The following C1QTNF3 variants were observed in gnomAD, a reference collection of about 807,000 sequenced individuals.
C1QTNF3 encodes the protein C1q and TNF related 3.
In C1QTNF3, 26 loss-of-function variants were observed where a neutral mutation model predicts 32.6. The observed-to-expected ratio is 0.80, with a 90% CI of 0.58 to 1.11. The LOEUF (loss-of-function observed/expected upper bound fraction) is 1.11. Ranked by LOEUF, C1QTNF3 falls within the 50% of genes least tolerant of loss-of-function variation. The pLI is 0.00. For synonymous variants in C1QTNF3, 155 were observed against 146.0 expected (o/e 1.06, Z -0.44); for missense variants, 362 against 398.2 (o/e 0.91, Z 0.77).
the C1QTNF3 span, among the ~76,000 whole-genome samples, chr5:34,139,783 G>C: frequency 2.0e-5 from 3 of 152,162 alleles, no homozygotes; most frequent in African/African-American, 7.2e-5. Context: ...AGCAAGATCT[G>C]ATTATCCAGT....
chr5:34,208,286 T>C, the C1QTNF3 span, among the ~76,000 whole-genome samples: 1 of 152,252 alleles, frequency 6.6e-6, no homozygotes, highest in Non-Finnish European at 1.5e-5. Flanking sequence ...ATAACAATCT[T>C]CATTCTTCTT....
chr5:34,043,322 A>C, upstream of C1QTNF3: 1 of 589,680 alleles, frequency 1.7e-6, no homozygotes, highest in Non-Finnish European at 3.0e-6. Flanking sequence ...GCCCCCATTC[A>C]TCATTTTCCC....
chr5:34,179,949 G>A, the C1QTNF3 span, among the ~76,000 whole-genome samples: 2,666 of 122,234 alleles, frequency 0.022, 2 homozygotes, highest in East Asian at 0.14. Context: ...AGTGCCAGGC[G>A]AGGTGGCTCA....
the C1QTNF3 span, among the ~76,000 whole-genome samples, chr5:34,233,656 C>T: frequency 6.6e-6 from 1 of 152,026 alleles, no homozygotes; most frequent in Non-Finnish European, 1.5e-5. Context: ...GCCCCTTTTA[C>T]CAGATAAAGT....
Position 34,018,123 on chromosome 5 carries a change from T to C in C1QTNF3, c.*2460A>G, listed in dbSNP as rs923294631. Among the ~76,000 whole-genome samples the C allele has an allele frequency of 4.6e-5, 7 of 151,782 alleles. No homozygotes were observed. The highest frequency in any genetic ancestry group is 7.2e-5 in the African/African-American group (3 of 41,412). On this transcript the variant is annotated 3_prime_UTR_variant, in exon 6 of 6. Transcript: ENST00000382065. ...TTTAAAAATAAAAGCCATAAATACA[T>C]GCAGGAAAAGACTGAAATAAACACT...
At chr5:34,030,931 G>A (rs1171049229) in intron 3 of C1QTNF3, among the ~76,000 whole-genome samples, 1 of 152,068 alleles carries the variant, frequency 6.6e-6, no homozygotes, top group Non-Finnish European at 1.5e-5. Flanking sequence ...GGGGCCTATG[G>A]GAGGATGGAA....
the C1QTNF3 span, among the ~76,000 whole-genome samples, chr5:34,183,544 T>A: frequency 6.7e-6 from 1 of 149,854 alleles, no homozygotes; most frequent in East Asian, 1.9e-4. Flanking sequence ...TTGGCCAGGC[T>A]GGTCTCGAAC....
the C1QTNF3 span, among the ~76,000 whole-genome samples, chr5:34,094,978 A>G: frequency 6.6e-6 from 1 of 151,444 alleles, no homozygotes; most frequent in Admixed American, 6.6e-5. Flanking sequence ...GTAAAAATTA[A>G]TAGAGTACAT....
At chr5:34,169,002 G>A in the C1QTNF3 span, 1 of 152,092 alleles carries the variant, frequency 6.6e-6, no homozygotes, top group Admixed American at 6.6e-5. Flanking sequence ...AGGCTTGAAA[G>A]AGGGAGTTTG....
the C1QTNF3 span, among the ~76,000 whole-genome samples, chr5:34,085,914 T>C: frequency 6.6e-6 from 1 of 151,222 alleles, no homozygotes; most frequent in East Asian, 1.9e-4. Context: ...AGAACTACCA[T>C]TTGACCCAGC....
At chr5:34,047,049 A>G (rs1018157719), upstream of C1QTNF3, among the ~76,000 whole-genome samples, 20 of 152,252 alleles carry the variant, frequency 1.3e-4, no homozygotes, top group African/African-American at 4.3e-4. Context: ...AGATGTGAAT[A>G]ACAATTGGGC....
the C1QTNF3 span, among the ~76,000 whole-genome samples, chr5:34,135,550 G>A: frequency 9.9e-5 from 15 of 152,000 alleles, no homozygotes; most frequent in Non-Finnish European, 1.8e-4. Flanking sequence ...GTCTGGTCCT[G>A]GACTTTTTTT....
At chr5:34,224,472 G>A in the C1QTNF3 span, among the ~76,000 whole-genome samples, 1 of 152,110 alleles carries the variant, frequency 6.6e-6, no homozygotes, top group Non-Finnish European at 1.5e-5. Flanking sequence ...CAATGGAACA[G>A]AACAGAGCCC....
the C1QTNF3 span, among the ~76,000 whole-genome samples, chr5:34,177,493 T>TA: frequency 1.4e-5 from 2 of 146,462 alleles, no homozygotes; most frequent in African/African-American, 2.5e-5. Context: ...TTTTTTTTTT[T>TA]TTTTTTTTTT....
the C1QTNF3 span, among the ~76,000 whole-genome samples, chr5:34,172,251 T>C: frequency 6.6e-6 from 1 of 152,284 alleles, no homozygotes; most frequent in South Asian, 2.1e-4. Flanking sequence ...AAATTAGGCA[T>C]AGTAAGAAAC....
chr5:34,055,310 A>C, the C1QTNF3 span, among the ~76,000 whole-genome samples: 1 of 152,234 alleles, frequency 6.6e-6, no homozygotes, highest in East Asian at 1.9e-4. Flanking sequence ...GGTAGAAAGA[A>C]GGGGAAAACT....
At chr5:34,178,375 A>C in the C1QTNF3 span, among the ~76,000 whole-genome samples, 1 of 152,178 alleles carries the variant, frequency 6.6e-6, no homozygotes, top group Non-Finnish European at 1.5e-5. Context: ...TAGTTTGCAG[A>C]AGTGTCATTC....
the C1QTNF3 span, among the ~76,000 whole-genome samples, chr5:34,146,669 A>T: frequency 6.6e-6 from 1 of 152,300 alleles, no homozygotes; most frequent in Admixed American, 6.5e-5. Flanking sequence ...GCTAACTCAA[A>T]ATCAACTAAA....
chr5:34,035,595 T>TAC, intron 2 of C1QTNF3, 52 bp downstream of exon 2: 1 of 1,336,844 alleles, frequency 7.5e-7, no homozygotes, highest in Non-Finnish European at 1.1e-6. Context: ...CCTTTGCTCC[T>TAC]ACTTTAGCTC....
Sources: allele counts gnomAD v4.1 joint callset (sites outside exome capture counted in the v4.1 genomes callset), GRCh38; gene constraint gnomAD v4.1.1; transcripts MANE v1.5; gene names NCBI Gene and HGNC (gene_info 2026-07-23, HGNC 2026-07-21).